USH2A: variants seen among roughly 807,000 people sequenced by gnomAD.
USH2A encodes the protein usherin, also known as Usher syndrome 2A (autosomal recessive, mild).
USH2A carries 443 observed loss-of-function variants against 538.9 expected under a neutral mutation model. That is an observed-to-expected ratio of 0.82 (90% confidence interval 0.76 to 0.89). The LOEUF is 0.89. Ranked by LOEUF, USH2A falls within the 40% of genes least tolerant of loss-of-function variation. The pLI, the probability that USH2A is intolerant of heterozygous loss-of-function variation, is 0.00. For synonymous variants in USH2A, 2,413 were observed against 2,273.5 expected (o/e 1.06, Z -1.75); for missense variants, 6,633 against 6,324.8 (o/e 1.05, Z -1.65).
chr1:215,981,181 A>G (rs1667743843), intron 35 of USH2A, among the ~76,000 whole-genome samples: 2 of 152,162 alleles, frequency 1.3e-5, no homozygotes, highest in Admixed American at 6.5e-5. Context: ...GGATTATTAC[A>G]GAAGTTGGCC....
chr1:215,987,940 A>AT (rs11331717), intron 35 of USH2A, among the ~76,000 whole-genome samples: 1 of 151,354 alleles, frequency 6.6e-6, no homozygotes, highest in Non-Finnish European at 1.5e-5. Context: ...TTAATCAGCA[A>AT]TTTTTTTTTG....
intron 56 of USH2A, among the ~76,000 whole-genome samples, chr1:215,766,034 A>G (rs568095083): frequency 6.6e-6 from 1 of 152,326 alleles, no homozygotes; most frequent in Admixed American, 6.5e-5. Context: ...AACAATTTAA[A>G]TGTGATAGAC....
At chr1:215,686,830 T>A (rs1049974182) in intron 61 of USH2A, among the ~76,000 whole-genome samples, 3 of 152,142 alleles carry the variant, frequency 2.0e-5, no homozygotes, top group Admixed American at 2.0e-4. Context: ...GAAAAAAGAT[T>A]TAAAATTTTC....
chr1:215,977,350 C>T (rs1025797292), intron 35 of USH2A, among the ~76,000 whole-genome samples: 1 of 152,142 alleles, frequency 6.6e-6, no homozygotes, highest in African/African-American at 2.4e-5. Context: ...GTCTTTGCTA[C>T]ATCCCAGAGA....
At chr1:215,638,677 G>A (rs1461860706) in intron 69 of USH2A, among the ~76,000 whole-genome samples, 3 of 148,726 alleles carry the variant, frequency 2.0e-5, no homozygotes, top group East Asian at 2.0e-4. Flanking sequence ...AGTTCCATGA[G>A]GACTTTTTAA....
At chr1:215,727,901 T>C in intron 61 of USH2A, 129 bp downstream of exon 61, 1 of 1,162,170 alleles carries the variant, frequency 8.6e-7, no homozygotes, top group South Asian at 1.3e-5. Flanking sequence ...CATTGCAACT[T>C]TTCACAAGTG....
At chr1:216,419,979 A>C (rs2039647738) in intron 2 of USH2A, among the ~76,000 whole-genome samples, 1 of 152,128 alleles carries the variant, frequency 6.6e-6, no homozygotes, top group African/African-American at 2.4e-5. Flanking sequence ...TTATGAGTGC[A>C]AGTATATTTT....
chr1:215,997,928 T>G (rs991110463), intron 34 of USH2A, among the ~76,000 whole-genome samples: 3 of 152,150 alleles, frequency 2.0e-5, no homozygotes, highest in African/African-American at 7.2e-5. Context: ...TTTTAACCAC[T>G]GTCTGATTGC....
Position 215,648,591 on chromosome 1 carries a change from A to G in USH2A, c.14519T>C (p.Leu4840Pro), listed in dbSNP as rs143275144. The change falls in exon 66 of 72, where the codon CTG (leucine) becomes CCG (proline). Residue 4840 changes from leucine (L) to proline (P), a missense_variant. By Grantham distance (98) the Leu-to-Pro change is moderately conservative. Coordinates refer to ENST00000307340, the MANE Select transcript of USH2A (RefSeq NM_206933.4). ...CCGGAAGGAGGCCGTCCTTGAGGCC[A>G]GCGTCCCGATTTGTGGAGAGGACAG... ...SGLSSPQIGT[L>P]ASRTASFRWS... 4.0e-4 allele frequency: 639 copies of G among 1,614,176 alleles called. 1 individual carries two copies. Among genetic ancestry groups the G allele is most frequent in the Middle Eastern group, 3.6e-3 (22 of 6,062 alleles).
intron 30 of USH2A, among the ~76,000 whole-genome samples, chr1:216,062,937 C>T (rs1440728046): frequency 6.6e-6 from 1 of 152,134 alleles, no homozygotes. Flanking sequence ...TTCTGATTAG[C>T]ATTTTTTAAA....
At position 216,198,594 on chromosome 1, in the gene USH2A, TTAAA is replaced by T. The variant is rs747262005; in HGVS notation, c.3812-14_3812-11del. On this transcript the variant is annotated splice_polypyrimidine_tract_variant and intron_variant, in intron 17 of 71. Transcript: ENST00000307340. Reference sequence around the variant, plus strand: ...TATCTTATAATTATTCCTAGAGAAATTAAATAGTGAACCTACGTAACTCATCAGA... The same window carrying T: ...TATCTTATAATTATTCCTAGAGAAATTAGTGAACCTACGTAACTCATCAGA... 6 of 1,609,720 alleles carry T rather than the reference TTAAA, an allele frequency of 3.7e-6. No homozygotes were observed. Among genetic ancestry groups the T allele is most frequent in the Middle Eastern group, 1.7e-4 (1 of 6,010 alleles).
At chr1:216,015,499 T>C (rs1192953847) in intron 32 of USH2A, among the ~76,000 whole-genome samples, 2 of 152,228 alleles carry the variant, frequency 1.3e-5, no homozygotes, top group African/African-American at 2.4e-5. Context: ...AACATGCTTT[T>C]CTTTGGCCAG....
At chr1:216,250,845 A>G in intron 12 of USH2A, 58 bp downstream of exon 12, 1 of 1,571,922 alleles carries the variant, frequency 6.4e-7, no homozygotes, top group South Asian at 1.1e-5. Context: ...AATCAAATAG[A>G]GAATTTTATT....
At chr1:216,369,601 G>C (rs1198353781) in intron 3 of USH2A, among the ~76,000 whole-genome samples, 1 of 152,034 alleles carries the variant, frequency 6.6e-6, no homozygotes, top group Non-Finnish European at 1.5e-5. Context: ...CATTACAAAA[G>C]TAGTTAACAT....
At chr1:216,204,922 AT>A (rs745804818) in intron 16 of USH2A, among the ~76,000 whole-genome samples, 3 of 152,208 alleles carry the variant, frequency 2.0e-5, no homozygotes, top group Non-Finnish European at 4.4e-5. Flanking sequence ...GTTTTAGGAA[AT>A]GATACCTTGT....
At chr1:216,367,659 C>G (rs967283179) in intron 3 of USH2A, among the ~76,000 whole-genome samples, 2 of 152,122 alleles carry the variant, frequency 1.3e-5, no homozygotes, top group Non-Finnish European at 2.9e-5. Flanking sequence ...CCAAGCCACT[C>G]TCTTCCATTG....
At chr1:216,412,277 T>A (rs2039501703) in intron 3 of USH2A, among the ~76,000 whole-genome samples, 1 of 152,160 alleles carries the variant, frequency 6.6e-6, no homozygotes, top group Non-Finnish European at 1.5e-5. Flanking sequence ...TATTGCATTT[T>A]AAAATCACAT....
chr1:215,827,855 A>T (rs1663199118), intron 47 of USH2A, among the ~76,000 whole-genome samples: 1 of 152,164 alleles, frequency 6.6e-6, no homozygotes, highest in Admixed American at 6.5e-5. Context: ...AACAAACAGA[A>T]ATGTGGCCTT....
intron 30 of USH2A, among the ~76,000 whole-genome samples, chr1:216,066,245 T>C (rs1008990822): frequency 3.3e-5 from 5 of 151,674 alleles, no homozygotes; most frequent in Non-Finnish European, 1.5e-5. Flanking sequence ...CCAAGGTGGG[T>C]GAATCACGAG....
Sources: allele counts gnomAD v4.1 joint callset (sites outside exome capture counted in the v4.1 genomes callset), GRCh38; gene constraint gnomAD v4.1.1; transcripts MANE v1.5; gene names NCBI Gene and HGNC (gene_info 2026-07-23, HGNC 2026-07-21).